Variants in EML6 observed in about 807,000 individuals in gnomAD.
EML6 encodes EMAP like 6, also known as echinoderm microtubule-associated protein-like 6.
EML6 carries 154 observed loss-of-function variants against 240.1 expected under a neutral mutation model. The ratio of observed to expected loss-of-function variants is 0.64; its 90% confidence interval spans 0.56 to 0.73. The LOEUF (loss-of-function observed/expected upper bound fraction) is 0.73. Ranked by LOEUF, EML6 falls within the 30% of genes least tolerant of loss-of-function variation. The probability of loss-of-function intolerance (pLI) is 0.00; values close to 1 mark genes in which losing one functional copy is unlikely to be tolerated. For synonymous variants in EML6, 1,148 were observed against 899.0 expected (o/e 1.28, Z -4.95); for missense variants, 2,964 against 2,474.6 (o/e 1.20, Z -4.20).
chr2:54,844,349 C>T (rs549894553), intron 8 of EML6, 101 bp downstream of exon 8: 2 of 903,782 alleles, frequency 2.2e-6, no homozygotes, highest in South Asian at 1.6e-5. Context: ...CAGAACCACA[C>T]AGTTTCCAAA....
chr2:54,963,971 T>G lies in EML6; in HGVS notation c.5158-15T>G. On this transcript the variant is annotated splice_polypyrimidine_tract_variant and intron_variant, in intron 36 of 41. Transcript: ENST00000356458. ...GGGCCAAGAGCTCAGGTGACTTTCC[T>G]TTGCATCAATGTAGAAGCTGTTAAA... 1.3e-6 allele frequency: 2 copies of G among 1,543,540 alleles called. No individual in the cohort carries two copies. Among genetic ancestry groups the G allele is most frequent in the Non-Finnish European group, 8.7e-7 (1 of 1,143,014 alleles).
chr2:54,816,247 A>G (rs778917890), intron 3 of EML6, among the ~76,000 whole-genome samples: 14 of 152,190 alleles, frequency 9.2e-5, no homozygotes, highest in Admixed American at 1.3e-4. Context: ...AACCCAGGGA[A>G]TTTAGGCTGG....
intron 2 of EML6, among the ~76,000 whole-genome samples, chr2:54,766,429 G>A (rs1668191429): frequency 6.6e-6 from 1 of 152,132 alleles, no homozygotes; most frequent in Non-Finnish European, 1.5e-5. Context: ...ATGACCGTCA[G>A]TTTGGGTTTG....
At chr2:54,759,574 C>A (rs1021862963) in intron 2 of EML6, among the ~76,000 whole-genome samples, 2 of 151,944 alleles carry the variant, frequency 1.3e-5, no homozygotes, top group African/African-American at 4.8e-5. Flanking sequence ...GTCATAAATT[C>A]AGACATAAAT....
intron 12 of EML6, among the ~76,000 whole-genome samples, chr2:54,860,216 T>C (rs1171423015): frequency 6.6e-6 from 1 of 152,120 alleles, no homozygotes; most frequent in Non-Finnish European, 1.5e-5. Context: ...ACCTCACACA[T>C]AGTGCCCTAA....
At chr2:54,788,230 C>T (rs938683099) in intron 2 of EML6, among the ~76,000 whole-genome samples, 7 of 152,214 alleles carry the variant, frequency 4.6e-5, no homozygotes, top group Non-Finnish European at 1.0e-4. Context: ...AGATGGCTCC[C>T]GCTTCCTGTT....
At chr2:54,746,964 G>A (rs948754850) in intron 2 of EML6, 2 of 152,178 alleles carry the variant, frequency 1.3e-5, no homozygotes, top group African/African-American at 4.8e-5. Context: ...GTCAATTACT[G>A]AATGTCTAAC....
At chr2:54,850,369 T>G (rs1670008690) in intron 10 of EML6, 151 bp downstream of exon 10, 1 of 645,306 alleles carries the variant, frequency 1.5e-6, no homozygotes, top group African/African-American at 1.8e-5. Context: ...GGGCAAGGAA[T>G]GTTTTCTGTC....
Position 54,954,120 on chromosome 2 carries a change from C to T in EML6, c.4450C>T (p.Pro1484Ser), listed in dbSNP as rs1361060078. The change falls in exon 32 of 42, where the codon CCT becomes TCT. Residue 1484 changes from proline (P) to serine (S), a missense_variant. Coordinates refer to ENST00000356458, the MANE Select transcript of EML6 (RefSeq NM_001039753.4). ...GKLLVSVGVD[P>S]EHTITVWRWQ... ...GCTCCTGGTGTCGGTGGGAGTGGAC[C>T]CTGAGCACACCATCACTGTCTGGCG... is the stretch of plus-strand genomic sequence containing the variant. 12 of 1,551,402 alleles carry T rather than the reference C, an allele frequency of 7.7e-6. No homozygotes were observed. The highest frequency in any genetic ancestry group is 1.4e-5 in the African/African-American group (1 of 73,094).
At chr2:54,767,612 GTGTGTGTGTGTGTGTGTGTA>G (rs1221346032) in intron 2 of EML6, among the ~76,000 whole-genome samples, 4 of 127,720 alleles carry the variant, frequency 3.1e-5, no homozygotes, top group Non-Finnish European at 7.3e-5. Flanking sequence ...GTGTGTGTGT[GTGTGTGTGTGTGTGTGTGTA>G]TGTGTGTGTG....
intron 32 of EML6, among the ~76,000 whole-genome samples, chr2:54,954,973 G>C (rs1045419328): frequency 3.3e-5 from 5 of 152,306 alleles, no homozygotes; most frequent in Admixed American, 2.6e-4. Flanking sequence ...TTCCCATGGA[G>C]GGGGTGGTGC....
intron 5 of EML6, among the ~76,000 whole-genome samples, chr2:54,826,505 C>G (rs1359511864): frequency 1.3e-5 from 2 of 152,148 alleles, no homozygotes; most frequent in Non-Finnish European, 2.9e-5. Context: ...GAGGCTGAGG[C>G]AGGAGAATCG....
Position 54,880,987 on chromosome 2 carries a change from A to T in EML6, c.2438+1347A>T, listed in dbSNP as rs966035590. ...TTAATATTAAAATAGTATATATTTT[A>T]TATACTTGTTGGATAGTGTTACTGC... On this transcript the variant is annotated intron_variant, in intron 17 of 41. Coordinates refer to ENST00000356458, the MANE Select transcript of EML6 (RefSeq NM_001039753.4). 3.9e-5 allele frequency: 6 copies of T among 152,270 alleles called. No individual in the cohort carries two copies. In the South Asian group the frequency reaches 1.0e-3, roughly 26 times the overall value. The allele number at this position is 152,270 out of a possible 1,614,324, so 9.4% of individuals were successfully genotyped here.
intron 10 of EML6, 110 bp from the exon 11 acceptor site, chr2:54,853,533 A>G (rs1558615114): frequency 1.4e-6 from 1 of 729,040 alleles, no homozygotes. Flanking sequence ...AGATTAAAAT[A>G]TGTAGTTTTC....
At chr2:54,839,243 C>G (rs1158861936) in intron 7 of EML6, among the ~76,000 whole-genome samples, 1 of 152,176 alleles carries the variant, frequency 6.6e-6, no homozygotes, top group African/African-American at 2.4e-5. Flanking sequence ...TTCTCTTTAC[C>G]ACTCTTGCAT....
chr2:54,743,305 C>G (rs1036396584), intron 2 of EML6, among the ~76,000 whole-genome samples: 4 of 152,214 alleles, frequency 2.6e-5, no homozygotes, highest in Admixed American at 2.0e-4. Flanking sequence ...AGCAGAGCAC[C>G]TGGAGAAAAC....
chr2:54,854,391 T>C (rs1432381668), intron 11 of EML6, among the ~76,000 whole-genome samples: 7 of 152,186 alleles, frequency 4.6e-5, no homozygotes, highest in African/African-American at 1.7e-4. Context: ...CCCTCATGTT[T>C]TGTTGTTTTG....
intron 5 of EML6, among the ~76,000 whole-genome samples, chr2:54,825,768 C>G (rs367840080): frequency 1.3e-5 from 2 of 152,186 alleles, no homozygotes; most frequent in African/African-American, 4.8e-5. Context: ...CCCCAGCTGC[C>G]TGAATCCTGG....
intron 28 of EML6, among the ~76,000 whole-genome samples, chr2:54,929,660 A>G (rs1674748837): frequency 6.6e-6 from 1 of 151,628 alleles, no homozygotes; most frequent in African/African-American, 2.4e-5. Context: ...ACTTCTTACT[A>G]TTATGTGGGG....
Sources: gnomAD v4.1 joint callset for allele counts (sites outside exome capture counted in the v4.1 genomes callset) on GRCh38, gnomAD v4.1.1 for gene constraint, MANE v1.5 for transcripts, NCBI Gene and HGNC (gene_info 2026-07-23, HGNC 2026-07-21) for gene names.